Variants in LRSAM1 observed in about 807,000 individuals in gnomAD.
The protein encoded by LRSAM1 is E3 ubiquitin-protein ligase LRSAM1.
Under a neutral mutation model 118.1 loss-of-function variants are expected in LRSAM1, and 96 were observed. The observed-to-expected ratio is 0.81, with a 90% CI of 0.69 to 0.96. The LOEUF (loss-of-function observed/expected upper bound fraction) is 0.96. Ranked by LOEUF, LRSAM1 falls within the 40% of genes least tolerant of loss-of-function variation. The probability of loss-of-function intolerance (pLI) is 0.00; values close to 1 mark genes in which losing one functional copy is unlikely to be tolerated. For missense variants in LRSAM1, 804 were observed against 915.5 expected (o/e 0.88, Z 1.57); for synonymous variants, 322 against 364.2 (o/e 0.88, Z 1.32).
At chr9:127,482,925 A>C (rs767986007) in intron 15 of LRSAM1, 25 bp from the exon 16 acceptor site, 2 of 1,549,740 alleles carry the variant, frequency 1.3e-6, no homozygotes, top group Non-Finnish European at 1.7e-6. Flanking sequence ...AAATTTGCTG[A>C]ATGAATGGAT....
At chr9:127,458,363 T>G in intron 6 of LRSAM1, among the ~76,000 whole-genome samples, 1 of 143,066 alleles carries the variant, frequency 7.0e-6, no homozygotes, top group African/African-American at 2.7e-5. Context: ...CAGTCCGGCG[T>G]GGGCGACAGA....
At chr9:127,492,635 A>C (rs1835971279) in intron 20 of LRSAM1, among the ~76,000 whole-genome samples, 167 bp from the exon 21 acceptor site, 1 of 152,232 alleles carries the variant, frequency 6.6e-6, no homozygotes, top group African/African-American at 2.4e-5. Flanking sequence ...ATGCGGGCTT[A>C]GGGTAAGGGG....
In LRSAM1 at chr9:127,487,778, A is replaced by G; in HGVS notation, c.1347+15A>G. On this transcript the variant is annotated intron_variant, in intron 18 of 25. Transcript: ENST00000300417. ...TCCTGCAGGAGGTGAGCCCTCGCCC[A>G]GAGCCTGAGGGTGGGAGCTCAGGAG... is the stretch of plus-strand genomic sequence containing the variant. 6.2e-7 allele frequency: 1 copy of G among 1,609,326 alleles called. No individual in the cohort carries two copies. Among genetic ancestry groups the G allele is most frequent in the African/African-American group, 1.3e-5 (1 of 74,980 alleles).
chr9:127,490,262 CTTT>C (rs1272381723), intron 19 of LRSAM1, among the ~76,000 whole-genome samples: 2 of 151,720 alleles, frequency 1.3e-5, no homozygotes, highest in African/African-American at 4.8e-5. Flanking sequence ...TTCTTTCTTT[CTTT>C]CTTTCTTTCT....
At chr9:127,466,530 T>C (rs866520824) in intron 9 of LRSAM1, among the ~76,000 whole-genome samples, 8 of 84,154 alleles carry the variant, frequency 9.5e-5, no homozygotes, top group South Asian at 4.1e-4. Context: ...TTTTTTTTTT[T>C]CCACTAGAGA....
chr9:127,472,626 G>T (rs1835214754), intron 10 of LRSAM1, among the ~76,000 whole-genome samples: 1 of 151,984 alleles, frequency 6.6e-6, no homozygotes, highest in African/African-American at 2.4e-5. Context: ...GGGTGACAGA[G>T]CAAGACTCCA....
At chr9:127,486,708 C>T (rs2132083775) in intron 17 of LRSAM1, 1 of 152,374 alleles carries the variant, frequency 6.6e-6, no homozygotes, top group Admixed American at 6.5e-5. Flanking sequence ...AGTCTCTTTC[C>T]TTCTTTGGGC....
intron 7 of LRSAM1, among the ~76,000 whole-genome samples, chr9:127,460,767 T>G (rs1397846269): frequency 6.6e-6 from 1 of 150,614 alleles, no homozygotes; most frequent in Non-Finnish European, 1.5e-5. Context: ...CTGGGTGCCC[T>G]GGCCCGGCAG....
chr9:127,451,506 G>A (rs951243488), upstream of LRSAM1: 13 of 678,148 alleles, frequency 1.9e-5, no homozygotes, highest in African/African-American at 2.4e-4. Flanking sequence ...TTGTCGCCAT[G>A]TTTGTTGTGG....
intron 16 of LRSAM1, among the ~76,000 whole-genome samples, chr9:127,484,797 T>A (rs1008484504): frequency 9.5e-5 from 11 of 115,282 alleles, no homozygotes; most frequent in Non-Finnish European, 2.0e-5. Context: ...AATTTTTTGA[T>A]TTTTCTTTTT....
rs369538067 is a variant in LRSAM1 at position 127,495,164 on chromosome 9, GC to G, written c.1600-155del. 2.5e-3 allele frequency among the ~76,000 whole-genome samples: 373 copies of G among 152,206 alleles called. 3 individuals are homozygous for G. In the South Asian group the frequency reaches 0.028, roughly 12 times the overall value. On this transcript the variant is annotated intron_variant, in intron 21 of 25. Transcript: ENST00000300417. ...TGGGGGGTTTCTCCATGTTGGTCAG[GC>G]TGGTCTTGAACTCCCGACCTCAGGT...
chr9:127,458,910 T>C, intron 6 of LRSAM1, 93 bp from the exon 7 acceptor site: 1 of 1,165,906 alleles, frequency 8.6e-7, no homozygotes, highest in Non-Finnish European at 1.3e-6. Flanking sequence ...GCACTGGGGG[T>C]GTGAGGTGGC....
At position 127,492,885 on chromosome 9, in the gene LRSAM1, C is replaced by T. The variant is rs201588177; in HGVS notation, c.1587C>T (p.Leu529=). The T allele has an allele frequency of 6.2e-6, 10 of 1,614,004 alleles. No individual in the cohort carries two copies. The African/African-American group carries it at 1.1e-4, about 17-fold the overall frequency. Residue 529 remains leucine (L), a synonymous_variant, in exon 21 of 26, where the codon CTC becomes CTT. Transcript: ENST00000300417. ...AGAAGCAGCAGCGAGAGGAAGAGCT[C>T]CGGGAAATCCTGGTATGTGTTTGGC... The part of the protein sequence containing the change: ...LKEKQQREEE[L]REILTELEAK...
chr9:127,491,284 G>A lies in LRSAM1; in HGVS notation c.1492G>A (p.Glu498Lys). The change falls in exon 20 of 26, where the codon GAG (glutamate) becomes AAG (lysine). Residue 498 changes from glutamate to lysine, a missense_variant. Physicochemically the swap from Glu to Lys is moderately conservative, Grantham distance 56 (BLOSUM62 1). Coordinates refer to ENST00000300417, the MANE Select transcript of LRSAM1 (RefSeq NM_001005373.4). ...LELKRKSLDT[E>K]SLQEMISEQR... is the part of the protein sequence containing the mutation. ...GTTAAAGAGGAAGTCCCTGGACACA[G>A]AGTCACTCCAGGTATGTAGGGCTCC... 1 of 1,613,568 alleles carries A rather than the reference G, an allele frequency of 6.2e-7. No homozygotes were observed.
intron 5 of LRSAM1, among the ~76,000 whole-genome samples, chr9:127,456,586 C>T (rs1037694039): frequency 3.7e-4 from 54 of 146,736 alleles, no homozygotes; most frequent in African/African-American, 1.2e-3. Flanking sequence ...GTAGATTGGC[C>T]GGGTGCGGTG....
chr9:127,496,957 C>T (rs1426441584), intron 23 of LRSAM1, among the ~76,000 whole-genome samples: 2 of 152,264 alleles, frequency 1.3e-5, no homozygotes, highest in African/African-American at 2.4e-5. Flanking sequence ...AAGCCTGGCA[C>T]CGGGAAGCAG....
chr9:127,472,948 C>A lies in LRSAM1; in HGVS notation c.620-853C>A, dbSNP rs147781815. On this transcript the variant is annotated intron_variant, in intron 10 of 25. Coordinates refer to ENST00000300417, the MANE Select transcript of LRSAM1 (RefSeq NM_001005373.4). ...GGGTGTGTGAGAGGGCACGAGCGCC[C>A]TAGGGTGCCTGGGAAGAGGTCCCAT... 7.9e-5 allele frequency among the ~76,000 whole-genome samples: 12 copies of A among 152,220 alleles called. No homozygotes were observed. The South Asian group carries it at 1.2e-3, about 16-fold the overall frequency.
At chr9:127,499,176 C>T (rs913121446) in intron 24 of LRSAM1, among the ~76,000 whole-genome samples, 2 of 152,010 alleles carry the variant, frequency 1.3e-5, no homozygotes, top group African/African-American at 4.8e-5. Flanking sequence ...AGTTTGAGAC[C>T]AGCCTGGGCG....
chr9:127,496,693 T>C (rs1836158840), intron 23 of LRSAM1, among the ~76,000 whole-genome samples: 1 of 152,032 alleles, frequency 6.6e-6, no homozygotes, highest in African/African-American at 2.4e-5. Context: ...CACAGCAGAG[T>C]GAGGTCTCCA....
Sources: allele counts gnomAD v4.1 joint callset (sites outside exome capture counted in the v4.1 genomes callset), GRCh38; gene constraint gnomAD v4.1.1; transcripts MANE v1.5; gene names NCBI Gene and HGNC (gene_info 2026-07-23, HGNC 2026-07-21).